Variants in RUNX2 observed in about 807,000 individuals in gnomAD.
The protein encoded by RUNX2 is runt-related transcription factor 2.
RUNX2 carries 10 observed loss-of-function variants against 51.7 expected under a neutral mutation model. The observed-to-expected ratio is 0.19, with a 90% CI of 0.12 to 0.33. RUNX2 has a LOEUF of 0.33. Among genes scored for constraint, RUNX2 ranks in the 10% least tolerant of loss-of-function variants. The probability of loss-of-function intolerance (pLI) is 1.00; values close to 1 mark genes in which losing one functional copy is unlikely to be tolerated. For missense variants in RUNX2, 562 were observed against 691.3 expected, an observed-to-expected ratio of 0.81 and a Z score of 2.10; for synonymous variants, 276 against 273.6, an observed-to-expected ratio of 1.01 and a Z score of -0.09.
chr6:45,498,306 G>A (rs946442785), intron 6 of RUNX2, among the ~76,000 whole-genome samples: 1 of 152,138 alleles, frequency 6.6e-6, no homozygotes, highest in Non-Finnish European at 1.5e-5. Flanking sequence ...ATTGATTCTT[G>A]GAGAAATGAC....
rs147855016 is a variant in RUNX2 at position 45,401,040 on chromosome 6, C to T, written c.59-21553C>T. Among the ~76,000 whole-genome samples the T allele has an allele frequency of 3.8e-4, 58 of 152,150 alleles. No individual in the cohort carries two copies. The East Asian group carries it at 0.01, about 27-fold the overall frequency. Reference sequence around the variant, plus strand: ...TGTTTAAAAACAACTTTCAGCTTTGCTATTTATTGGAAATTTTTCGTAATA... The same window carrying T: ...TGTTTAAAAACAACTTTCAGCTTTGTTATTTATTGGAAATTTTTCGTAATA... On this transcript the variant is annotated intron_variant, in intron 2 of 8. Transcript: ENST00000647337.
chr6:45,481,907 T>C (rs146655017), intron 5 of RUNX2, among the ~76,000 whole-genome samples: 25 of 152,334 alleles, frequency 1.6e-4, no homozygotes, highest in African/African-American at 5.8e-4. Flanking sequence ...CTATATTCTC[T>C]TACAACTCTG....
At chr6:45,516,610 A>C (rs1801330008) in intron 7 of RUNX2, among the ~76,000 whole-genome samples, 2 of 152,220 alleles carry the variant, frequency 1.3e-5, no homozygotes, top group South Asian at 4.1e-4. Context: ...TTTCTAAAAG[A>C]TTATTCAGTA....
chr6:45,384,938 A>G (rs955012872), intron 2 of RUNX2, among the ~76,000 whole-genome samples: 2 of 152,022 alleles, frequency 1.3e-5, no homozygotes, highest in Non-Finnish European at 2.9e-5. Flanking sequence ...CCCTGGCCTC[A>G]CGTCATCTTC....
intron 2 of RUNX2, among the ~76,000 whole-genome samples, chr6:45,374,885 C>T (rs1322018070): frequency 6.6e-6 from 1 of 152,160 alleles, no homozygotes; most frequent in Admixed American, 6.5e-5. Flanking sequence ...TATTTAGACA[C>T]AAAAACAGTA....
intron 2 of RUNX2, among the ~76,000 whole-genome samples, chr6:45,333,422 A>G (rs531954711): frequency 6.6e-6 from 1 of 151,678 alleles, no homozygotes; most frequent in African/African-American, 2.4e-5. Flanking sequence ...TGTATACAGT[A>G]TCTTCACTTT....
At chr6:45,546,318 C>T (rs147532705) in intron 8 of RUNX2, among the ~76,000 whole-genome samples, 35 of 152,222 alleles carry the variant, frequency 2.3e-4, no homozygotes, top group African/African-American at 6.5e-4. Context: ...ATGATAGGAA[C>T]ATGATAGGAT....
chr6:45,434,809 A>G (rs1254034050), intron 4 of RUNX2, among the ~76,000 whole-genome samples: 2 of 152,210 alleles, frequency 1.3e-5, no homozygotes, highest in Non-Finnish European at 2.9e-5. Context: ...TTTTAAAATA[A>G]CAGGCTGTAT....
intron 7 of RUNX2, among the ~76,000 whole-genome samples, chr6:45,525,140 G>T (rs1801633728): frequency 6.6e-6 from 1 of 152,128 alleles, no homozygotes; most frequent in Non-Finnish European, 1.5e-5. Flanking sequence ...TGACCTAAAA[G>T]ATTCCAAAAA....
At chr6:45,355,992 C>A (rs1417046720) in intron 2 of RUNX2, among the ~76,000 whole-genome samples, 1 of 152,066 alleles carries the variant, frequency 6.6e-6, no homozygotes, top group Non-Finnish European at 1.5e-5. Flanking sequence ...TAATAGAACT[C>A]TACTAGCCAT....
intron 6 of RUNX2, among the ~76,000 whole-genome samples, chr6:45,494,165 CAG>C (rs1339819227): frequency 2.0e-5 from 3 of 152,184 alleles, no homozygotes; most frequent in African/African-American, 7.2e-5. Flanking sequence ...GATACACGTG[CAG>C]AGAGTGAGGC....
intron 2 of RUNX2, among the ~76,000 whole-genome samples, chr6:45,409,787 G>A (rs1294212596): frequency 6.6e-6 from 1 of 152,148 alleles, no homozygotes; most frequent in African/African-American, 2.4e-5. Flanking sequence ...AACAAGCATT[G>A]ATTGACACTT....
intron 8 of RUNX2, among the ~76,000 whole-genome samples, chr6:45,546,225 G>T (rs1019967231): frequency 2.0e-5 from 3 of 152,000 alleles, no homozygotes; most frequent in African/African-American, 7.2e-5. Context: ...CCCCAGAGAA[G>T]TTATGAGTTT....
intron 2 of RUNX2, among the ~76,000 whole-genome samples, chr6:45,357,207 C>T (rs1793379291): frequency 6.6e-6 from 1 of 152,092 alleles, no homozygotes; most frequent in Admixed American, 6.5e-5. Context: ...CGGGGTTTCA[C>T]CATGTTAGCC....
rs530050144 is a variant in RUNX2 at position 45,362,306 on chromosome 6, GAAC to G, written c.58+33529_58+33531del. On this transcript the variant is annotated intron_variant, in intron 2 of 8. Coordinates refer to ENST00000647337, the MANE Select transcript of RUNX2 (RefSeq NM_001024630.4). The stretch of plus-strand genomic sequence containing the variant: ...TTATTTAGACACCAGGGAGCCAAAA[GAAC>G]AACAACTCATTAATAGTGAATGGAT... 3.7e-4 allele frequency among the ~76,000 whole-genome samples: 57 copies of G among 152,184 alleles called. 1 individual carries two copies. Among genetic ancestry groups the G allele is most frequent in the South Asian group, 3.1e-3 (15 of 4,818 alleles).
At chr6:45,394,007 G>A (rs552401291) in intron 2 of RUNX2, among the ~76,000 whole-genome samples, 2 of 151,088 alleles carry the variant, frequency 1.3e-5, no homozygotes, top group African/African-American at 2.4e-5. Context: ...CCCGGGTCCC[G>A]GTTCAAGCAA....
chr6:45,534,115 A>G (rs567735325), intron 7 of RUNX2, among the ~76,000 whole-genome samples: 62 of 151,980 alleles, frequency 4.1e-4, no homozygotes, highest in African/African-American at 1.5e-3. Flanking sequence ...GGCTGGTCTC[A>G]AACTCCTGGC....
At chr6:45,384,951 G>C (rs914139006) in intron 2 of RUNX2, among the ~76,000 whole-genome samples, 1 of 151,768 alleles carries the variant, frequency 6.6e-6, no homozygotes, top group African/African-American at 2.4e-5. Flanking sequence ...TCATCTTCCT[G>C]CCTCAGCATC....
chr6:45,427,218 T>C (rs1285216942), intron 3 of RUNX2, among the ~76,000 whole-genome samples: 1 of 152,112 alleles, frequency 6.6e-6, no homozygotes, highest in Non-Finnish European at 1.5e-5. Flanking sequence ...TTCTATTAAA[T>C]ATTTGAAAAT....
Sources: allele counts gnomAD v4.1 joint callset (sites outside exome capture counted in the v4.1 genomes callset), GRCh38; gene constraint gnomAD v4.1.1; transcripts MANE v1.5; gene names NCBI Gene and HGNC (gene_info 2026-07-23, HGNC 2026-07-21).